ROBO2: variants seen among roughly 807,000 people sequenced by gnomAD.
The protein encoded by ROBO2 is roundabout guidance receptor 2.
Under a neutral mutation model 160.8 loss-of-function variants are expected in ROBO2, and 53 were observed. That is an observed-to-expected ratio of 0.33 (90% CI 0.26 to 0.41). The LOEUF is 0.41. Among genes scored for constraint, ROBO2 ranks in the 10% least tolerant of loss-of-function variants. The probability of loss-of-function intolerance (pLI) is 1.00; values close to 1 mark genes in which losing one functional copy is unlikely to be tolerated. For synonymous variants in ROBO2, 664 were observed against 611.7 expected (o/e 1.09, Z -1.26); for missense variants, 1,577 against 1,722.4 (o/e 0.92, Z 1.49).
chr3:75,955,840 A>G (rs753193533), intron 2 of ROBO2, among the ~76,000 whole-genome samples: 6 of 151,836 alleles, frequency 4.0e-5, no homozygotes, highest in Non-Finnish European at 8.8e-5. Flanking sequence ...GCCCACCCAG[A>G]CTGTGCTTCT....
chr3:76,182,766 C>G (rs1701571116), intron 2 of ROBO2, among the ~76,000 whole-genome samples: 1 of 152,134 alleles, frequency 6.6e-6, no homozygotes, highest in Non-Finnish European at 1.5e-5. Flanking sequence ...CATACTCTTC[C>G]TTTTGGAGAT....
chr3:77,430,059 G>A (rs2078621481), intron 2 of ROBO2, among the ~76,000 whole-genome samples: 1 of 152,116 alleles, frequency 6.6e-6, no homozygotes, highest in South Asian at 2.1e-4. Flanking sequence ...GGCACTGAAT[G>A]ATAGCTAGAA....
chr3:75,938,308 A>G (rs1947890048), intron 2 of ROBO2, among the ~76,000 whole-genome samples: 2 of 151,820 alleles, frequency 1.3e-5, no homozygotes, highest in African/African-American at 4.8e-5. Flanking sequence ...GTATTTTGTG[A>G]TAAGTATTGT....
intron 2 of ROBO2, among the ~76,000 whole-genome samples, chr3:76,033,625 A>G (rs142659216): frequency 3.0e-4 from 45 of 152,336 alleles, no homozygotes; most frequent in African/African-American, 9.4e-4. Flanking sequence ...CCAAAGCTTA[A>G]TGACTTCAAA....
At chr3:76,514,946 T>A (rs2081277638) in intron 2 of ROBO2, among the ~76,000 whole-genome samples, 1 of 152,188 alleles carries the variant, frequency 6.6e-6, no homozygotes, top group South Asian at 2.1e-4. Flanking sequence ...ACACACAAGT[T>A]AGAGGTGGTG....
chr3:76,966,330 A>G (rs2059292838), intron 2 of ROBO2, among the ~76,000 whole-genome samples: 1 of 152,242 alleles, frequency 6.6e-6, no homozygotes, highest in African/African-American at 2.4e-5. Context: ...AACATATTCC[A>G]GGCACTGTGC....
chr3:76,650,049 C>T (rs2091179458), intron 2 of ROBO2, among the ~76,000 whole-genome samples: 1 of 152,092 alleles, frequency 6.6e-6, no homozygotes. Flanking sequence ...TATTACCCAC[C>T]ATATTTCAAC....
intron 2 of ROBO2, among the ~76,000 whole-genome samples, chr3:77,255,517 C>T (rs1011092196): frequency 6.6e-6 from 1 of 152,172 alleles, no homozygotes; most frequent in African/African-American, 2.4e-5. Flanking sequence ...TAAAAGGTGT[C>T]TGGTGGTAAC....
At chr3:77,641,421 G>T (rs1312082274) in intron 24 of ROBO2, among the ~76,000 whole-genome samples, 1 of 152,172 alleles carries the variant, frequency 6.6e-6, no homozygotes, top group African/African-American at 2.4e-5. Context: ...GAAAGGAGCG[G>T]CTTAGCTGAC....
intron 6 of ROBO2, among the ~76,000 whole-genome samples, chr3:77,537,001 T>G (rs2092149563): frequency 6.6e-6 from 1 of 151,720 alleles, no homozygotes; most frequent in Non-Finnish European, 1.5e-5. Flanking sequence ...TTCATTTTGA[T>G]ATTTACATTG....
chr3:76,682,878 G>A (rs897950119), intron 2 of ROBO2, among the ~76,000 whole-genome samples: 3 of 152,076 alleles, frequency 2.0e-5, no homozygotes, highest in Non-Finnish European at 4.4e-5. Context: ...AGGGGTACAC[G>A]TCAACTAAGC....
chr3:76,670,500 A>G (rs757953712), intron 2 of ROBO2, among the ~76,000 whole-genome samples: 1 of 152,082 alleles, frequency 6.6e-6, no homozygotes, highest in Non-Finnish European at 1.5e-5. Context: ...AAAATCAGTC[A>G]GCAAGTGTCA....
intron 2 of ROBO2, among the ~76,000 whole-genome samples, chr3:76,719,694 G>A (rs1042313005): frequency 3.9e-5 from 6 of 152,060 alleles, no homozygotes; most frequent in Admixed American, 1.3e-4. Flanking sequence ...GACCAGCCTG[G>A]CCAACATGGT....
intron 2 of ROBO2, among the ~76,000 whole-genome samples, chr3:76,082,328 A>AT (rs916425771): frequency 5.3e-5 from 8 of 151,756 alleles, no homozygotes; most frequent in East Asian, 1.9e-4. Context: ...TTCCTTTTAG[A>AT]TTTTTTTTTA....
intron 2 of ROBO2, among the ~76,000 whole-genome samples, chr3:77,154,214 C>T (rs923127362): frequency 6.6e-6 from 1 of 152,066 alleles, no homozygotes; most frequent in Non-Finnish European, 1.5e-5. Flanking sequence ...AATGTATCTT[C>T]TATCAATTTC....
intron 2 of ROBO2, among the ~76,000 whole-genome samples, chr3:76,557,292 C>T (rs1268406063): frequency 2.0e-5 from 3 of 151,904 alleles, no homozygotes; most frequent in Non-Finnish European, 4.4e-5. Context: ...TTATAGTGGA[C>T]ATAATTAAGC....
chr3:77,310,983 G>A (rs1373135875), intron 2 of ROBO2, among the ~76,000 whole-genome samples: 1 of 152,042 alleles, frequency 6.6e-6, no homozygotes, highest in African/African-American at 2.4e-5. Flanking sequence ...TGAGTGAATT[G>A]AAATGTCATA....
chr3:76,804,521 T>G (rs1286139106), intron 2 of ROBO2, among the ~76,000 whole-genome samples: 1 of 152,198 alleles, frequency 6.6e-6, no homozygotes, highest in East Asian at 1.9e-4. Context: ...CTTGTGCCAC[T>G]AGGTCAAACT....
chr3:76,869,028 T>G (rs1347051705), intron 2 of ROBO2, among the ~76,000 whole-genome samples: 2 of 152,280 alleles, frequency 1.3e-5, no homozygotes, highest in South Asian at 2.1e-4. Context: ...CTGTGCATTT[T>G]TTTTCTATTC....
Sources: allele counts gnomAD v4.1 joint callset (sites outside exome capture counted in the v4.1 genomes callset), GRCh38; gene constraint gnomAD v4.1.1; transcripts MANE v1.5; gene names NCBI Gene and HGNC (gene_info 2026-07-23, HGNC 2026-07-21).